The following GANC variants were observed in gnomAD, a reference collection of about 807,000 sequenced individuals.
GANC encodes neutral alpha-glucosidase C.
Under a neutral mutation model 124.2 loss-of-function variants are expected in GANC, and 117 were observed. The ratio of observed to expected loss-of-function variants is 0.94; its 90% CI spans 0.81 to 1.10. GANC has a LOEUF of 1.10. Ranked by LOEUF, GANC falls within the 50% of genes least tolerant of loss-of-function variation. The pLI is 0.00. For missense variants in GANC, 1,140 were observed against 1,095.0 expected, an observed-to-expected ratio of 1.04 and a Z score of -0.58; for synonymous variants, 377 against 376.8, an observed-to-expected ratio of 1.00 and a Z score of -0.01.
At chr15:42,349,743 G>C (rs1024289299) in intron 22 of GANC, among the ~76,000 whole-genome samples, 3 of 151,972 alleles carry the variant, frequency 2.0e-5, no homozygotes, top group African/African-American at 7.3e-5. Flanking sequence ...CACCTCCTGG[G>C]TTCAAGTGAT....
In GANC at chr15:42,349,520, T is replaced by C. The variant is rs369506849; in HGVS notation, c.2531+25T>C. On this transcript the variant is annotated intron_variant, in intron 22 of 23. Transcript: ENST00000318010. ...GGTAATGGCAGCTAAAGAAACTGTTTGTTTTCTTAAGTAAATCACACTATC... is the reference window on the plus strand; with the variant it reads ...GGTAATGGCAGCTAAAGAAACTGTTCGTTTTCTTAAGTAAATCACACTATC... 2.0e-5 allele frequency: 27 copies of C among 1,344,152 alleles called. No homozygotes were observed. The Admixed American group carries it at 4.5e-4, about 23-fold the overall frequency. The allele number at this position is 1,344,152 out of a possible 1,614,324, so 83.3% of individuals were successfully genotyped here.
At chr15:42,294,499 C>T (rs1301169709) in intron 5 of GANC, among the ~76,000 whole-genome samples, 1 of 147,476 alleles carries the variant, frequency 6.8e-6, no homozygotes, top group African/African-American at 2.5e-5. Context: ...CTCTTGAACC[C>T]AGGAGGTGGA....
intron 8 of GANC, among the ~76,000 whole-genome samples, chr15:42,309,637 C>A (rs1183101605): frequency 6.6e-6 from 1 of 150,966 alleles, no homozygotes; most frequent in Non-Finnish European, 1.5e-5. Context: ...ATTCTTTTAA[C>A]CGCAGAGAAG....
At position 42,283,095 on chromosome 15, in the gene GANC, C is replaced by T. The variant is rs189612666; in HGVS notation, c.201+4505C>T. On this transcript the variant is annotated intron_variant, in intron 3 of 23. Transcript: ENST00000318010. ...GCTTTAATAGGAAACTTTGGGAAGACACCATTCAGTCCATAGCAAACATGA... is the reference window on the plus strand; with the variant it reads ...GCTTTAATAGGAAACTTTGGGAAGATACCATTCAGTCCATAGCAAACATGA... 7.7e-4 allele frequency among the ~76,000 whole-genome samples: 118 copies of T among 152,294 alleles called. 1 individual carries two copies. The East Asian group carries it at 0.013, about 16-fold the overall frequency.
At chr15:42,280,824 G>C in intron 3 of GANC, 1 of 639,692 alleles carries the variant, frequency 1.6e-6, no homozygotes, top group Non-Finnish European at 2.8e-6. Flanking sequence ...CGTGATACCA[G>C]TTTGCGGTGG....
At chr15:42,322,149 A>G in intron 11 of GANC, 129 bp downstream of exon 11, 3 of 724,524 alleles carry the variant, frequency 4.1e-6, no homozygotes, top group South Asian at 1.9e-5. Context: ...AGATTCAAAT[A>G]TAATTGTCAC....
Position 42,352,186 on chromosome 15 carries a change from TCAA to T in GANC, c.*49_*51del. The T allele has an allele frequency of 6.2e-7, 1 of 1,607,096 alleles. No homozygotes were observed. Among genetic ancestry groups the T allele is most frequent in the Non-Finnish European group, 8.5e-7 (1 of 1,175,946 alleles). Reference sequence around the variant, plus strand: ...GTGAGCAGGGACCTGCCTGCCCCTTTCAACCTTTCCCCTCACCTTTTTTGAGAT... The same window carrying T: ...GTGAGCAGGGACCTGCCTGCCCCTTTCCTTTCCCCTCACCTTTTTTGAGAT... On this transcript the variant is annotated 3_prime_UTR_variant, in exon 24 of 24. Transcript: ENST00000318010.
chr15:42,287,589 T>C, intron 3 of GANC, 102 bp from the exon 4 acceptor site: 1 of 1,277,866 alleles, frequency 7.8e-7, no homozygotes, highest in East Asian at 2.5e-5. Context: ...TTGCTTGGCC[T>C]ATCATAATTG....
Position 42,353,101 on chromosome 15 carries a change from G to T in GANC, c.*962G>T. On this transcript the variant is annotated 3_prime_UTR_variant, in exon 24 of 24. Transcript: ENST00000318010. ...ATTACTGAGTTTTCCTTTTGTCCCA[G>T]GCTCTAATATGGCTTGGCATGGGGC... 3 of 985,186 alleles carry T rather than the reference G, an allele frequency of 3.0e-6. No individual in the cohort carries two copies. The highest frequency in any genetic ancestry group is 3.6e-6 in the Non-Finnish European group (3 of 829,378). The allele number at this position is 985,186 out of a possible 1,614,324, so 61.0% of individuals were successfully genotyped here. A position where few individuals can be genotyped will look rare whatever the true frequency, so the allele number is the denominator to read the frequency against.
At chr15:42,349,273 C>G in intron 21 of GANC, 110 bp from the exon 22 acceptor site, 6 of 709,494 alleles carry the variant, frequency 8.5e-6, no homozygotes, top group Admixed American at 4.5e-5. Flanking sequence ...CTTTATATAG[C>G]TTGAATTTTT....
Position 42,273,391 on chromosome 15 carries a change from G to T in GANC, c.-1091G>T. The T allele has an allele frequency of 6.2e-7, 1 of 1,613,940 alleles. No homozygotes were observed. On this transcript the variant is annotated 5_prime_UTR_variant, in exon 1 of 24. Coordinates refer to ENST00000318010, the MANE Select transcript of GANC (RefSeq NM_198141.3). ...AGGCAACACCTGAAGCCACGCAGCC[G>T]CCGCCATCTTCACAGCCGTGGAGTG...
In GANC at chr15:42,339,913, G is replaced by A; in HGVS notation, c.2087+1G>A. On this transcript the variant is annotated splice_donor_variant, in intron 17 of 23. Coordinates refer to ENST00000318010, the MANE Select transcript of GANC (RefSeq NM_198141.3). LOFTEE classifies it high-confidence loss of function. ...ACGTGGCTTCCCAACCTGTCATGAG[G>A]TAAAAAAGCTTCATCCATTCAGGGA... 1.9e-6 allele frequency: 3 copies of A among 1,610,640 alleles called. No individual in the cohort carries two copies. Among genetic ancestry groups the A allele is most frequent in the Non-Finnish European group, 2.5e-6 (3 of 1,177,678 alleles).
In GANC at chr15:42,273,215, T is replaced by C. The variant is rs377381365; in HGVS notation, c.-1267T>C. On this transcript the variant is annotated 5_prime_UTR_variant, in exon 1 of 24. Transcript: ENST00000318010. ...CTTGGGCCGCCGTAGCCCCACCCCT[T>C]GCTCCTCTAGGTTCAGACGTTAGTG... 1.3e-4 allele frequency: 216 copies of C among 1,610,268 alleles called. No homozygotes were observed. Among genetic ancestry groups the C allele is most frequent in the Non-Finnish European group, 1.8e-4 (208 of 1,177,118 alleles).
At chr15:42,330,446 T>C in intron 14 of GANC, 130 bp from the exon 15 acceptor site, 2 of 614,084 alleles carry the variant, frequency 3.3e-6, no homozygotes, top group Non-Finnish European at 5.7e-6. Context: ...AATTATTTGA[T>C]GGATTTATTT....
chr15:42,346,449 C>T (rs2052364454), intron 20 of GANC, among the ~76,000 whole-genome samples: 1 of 152,080 alleles, frequency 6.6e-6, no homozygotes, highest in South Asian at 2.1e-4. Context: ...GTGATGGTTG[C>T]ATGACTCTGA....
At chr15:42,275,594 C>T (rs1264172787) in intron 1 of GANC, among the ~76,000 whole-genome samples, 1 of 151,802 alleles carries the variant, frequency 6.6e-6, no homozygotes, top group Non-Finnish European at 1.5e-5. Flanking sequence ...TTTTTTTCTC[C>T]TTATAATCTG....
In GANC at chr15:42,321,854, A is replaced by AG. The variant is rs772696346; in HGVS notation, c.1129dup (p.Asp377GlyfsTer10). 1.1e-5 allele frequency: 18 copies of AG among 1,614,114 alleles called. No individual in the cohort carries two copies. The highest frequency in any genetic ancestry group is 3.3e-4 in the Middle Eastern group (2 of 6,084). On this transcript the variant is annotated frameshift_variant, in exon 11 of 24. Coordinates refer to ENST00000318010, the MANE Select transcript of GANC (RefSeq NM_198141.3). LOFTEE classifies it high-confidence loss of function. ...TGCCGCTGGAACTATGAAGATGAGC[A>AG]GGATGTAAAAGCAGTGGATGCAGGG...
chr15:42,332,668 T>G (rs937811252), intron 15 of GANC, among the ~76,000 whole-genome samples: 18 of 152,112 alleles, frequency 1.2e-4, no homozygotes, highest in Admixed American at 1.2e-3. Context: ...CATATCTCGC[T>G]TGAAGTCAAG....
Position 42,276,466 on chromosome 15 carries a change from T to G in GANC, c.92+56T>G, listed in dbSNP as rs1463544753. On this transcript the variant is annotated intron_variant, in intron 2 of 23. Transcript: ENST00000318010. ...AAACATCTCTGACAGTATTTCAAAATTGATGCTTATTAAATTTTTGGAACT... is the reference window on the plus strand; with the variant it reads ...AAACATCTCTGACAGTATTTCAAAAGTGATGCTTATTAAATTTTTGGAACT... 6.1e-6 allele frequency: 5 copies of G among 814,880 alleles called. No homozygotes were observed. The African/African-American group carries it at 8.5e-5, about 14-fold the overall frequency. The allele number at this position is 814,880 out of a possible 1,614,324, so 50.5% of individuals were successfully genotyped here.
Sources: gnomAD v4.1 joint callset for allele counts (sites outside exome capture counted in the v4.1 genomes callset) on GRCh38, gnomAD v4.1.1 for gene constraint, MANE v1.5 for transcripts, NCBI Gene and HGNC (gene_info 2026-07-23, HGNC 2026-07-21) for gene names.